Variants in RUNDC3B observed in about 807,000 individuals in gnomAD.
The protein encoded by RUNDC3B is RUN domain containing 3B.
A neutral mutation model predicts 58.4 loss-of-function variants in RUNDC3B; 33 were observed. That is an observed-to-expected ratio of 0.56 (90% CI 0.43 to 0.75). RUNDC3B has a LOEUF of 0.75. RUNDC3B is among the 30% of genes least tolerant of loss of function. RUNDC3B has a pLI of 0.00. For missense variants in RUNDC3B, 501 were observed against 535.7 expected, an observed-to-expected ratio of 0.94 and a Z score of 0.64; for synonymous variants, 193 against 195.2, an observed-to-expected ratio of 0.99 and a Z score of 0.10.
At chr7:87,797,704 AGT>A (rs1835890641) in intron 8 of RUNDC3B, among the ~76,000 whole-genome samples, 1 of 152,164 alleles carries the variant, frequency 6.6e-6, no homozygotes, top group Admixed American at 6.5e-5. Flanking sequence ...CCTGAAATTC[AGT>A]TCTTATGGAA....
chr7:87,683,374 C>G (rs1827125434), intron 2 of RUNDC3B, among the ~76,000 whole-genome samples: 1 of 152,188 alleles, frequency 6.6e-6, no homozygotes, highest in African/African-American at 2.4e-5. Flanking sequence ...GCACAAGAGG[C>G]CTAGGTTTTG....
At chr7:87,667,310 T>C (rs1266240442) in intron 2 of RUNDC3B, among the ~76,000 whole-genome samples, 1 of 152,148 alleles carries the variant, frequency 6.6e-6, no homozygotes, top group Non-Finnish European at 1.5e-5. Context: ...TGTATAGGAA[T>C]GCTAGTGATT....
At chr7:87,812,282 C>T (rs1326620188) in intron 9 of RUNDC3B, among the ~76,000 whole-genome samples, 3 of 152,110 alleles carry the variant, frequency 2.0e-5, no homozygotes, top group South Asian at 4.1e-4. Flanking sequence ...CCCAAATGCC[C>T]ATGACATAAT....
chr7:87,698,906 A>G (rs577699012), intron 2 of RUNDC3B, among the ~76,000 whole-genome samples: 2 of 152,214 alleles, frequency 1.3e-5, no homozygotes, highest in South Asian at 2.1e-4. Flanking sequence ...GAAGTTACCT[A>G]TCATGACTTG....
chr7:87,803,389 A>G (rs962538560), intron 8 of RUNDC3B, among the ~76,000 whole-genome samples: 1 of 152,226 alleles, frequency 6.6e-6, no homozygotes, highest in African/African-American at 2.4e-5. Flanking sequence ...AGGTCAAAAA[A>G]TTGAGGATAT....
chr7:87,744,474 A>G (rs1832531485), intron 6 of RUNDC3B, among the ~76,000 whole-genome samples: 1 of 152,082 alleles, frequency 6.6e-6, no homozygotes, highest in African/African-American at 2.4e-5. Context: ...TGTTCATGTA[A>G]TCTGTGATTT....
At chr7:87,683,885 T>TA (rs1827183291) in intron 2 of RUNDC3B, among the ~76,000 whole-genome samples, 1 of 152,066 alleles carries the variant, frequency 6.6e-6, no homozygotes, top group South Asian at 2.1e-4. Flanking sequence ...TGAAATACAT[T>TA]AAAACAAGAA....
chr7:87,812,508 C>T (rs750539068), intron 9 of RUNDC3B, among the ~76,000 whole-genome samples: 12 of 152,140 alleles, frequency 7.9e-5, no homozygotes, highest in Non-Finnish European at 1.0e-4. Context: ...ACTTGGGAGG[C>T]TGAGGCAGGA....
At chr7:87,759,412 A>G (rs1833554020) in intron 6 of RUNDC3B, among the ~76,000 whole-genome samples, 1 of 152,162 alleles carries the variant, frequency 6.6e-6, no homozygotes, top group Non-Finnish European at 1.5e-5. Context: ...CTAGTATTTG[A>G]TAGCCCAATG....
intron 4 of RUNDC3B, among the ~76,000 whole-genome samples, chr7:87,712,623 A>T (rs1007590278): frequency 6.6e-6 from 1 of 152,088 alleles, no homozygotes; most frequent in African/African-American, 2.4e-5. Context: ...TCTTCAATAG[A>T]TTATTTTTAG....
At chr7:87,695,590 A>C (rs1473154437) in intron 2 of RUNDC3B, among the ~76,000 whole-genome samples, 1 of 152,128 alleles carries the variant, frequency 6.6e-6, no homozygotes, top group Non-Finnish European at 1.5e-5. Context: ...ATTGTCAAGT[A>C]GGTGATATAT....
rs1457491418 is a variant in RUNDC3B at position 87,753,179 on chromosome 7, C to T, written c.629+11600C>T. Among the ~76,000 whole-genome samples, 4 of 149,620 alleles carry T rather than the reference C, an allele frequency of 2.7e-5. No individual in the cohort carries two copies. In the South Asian group the frequency reaches 6.4e-4, roughly 24 times the overall value. On this transcript the variant is annotated intron_variant, in intron 6 of 10. Transcript: ENST00000394654. ...GTTGTTCAGTTTCCATGTAGTTGAGCGGTTTTGAGTGAGATTCTTAATCCT... is the reference window on the plus strand; with the variant it reads ...GTTGTTCAGTTTCCATGTAGTTGAGTGGTTTTGAGTGAGATTCTTAATCCT...
chr7:87,700,457 G>A lies in RUNDC3B; in HGVS notation c.275G>A (p.Ser92Asn), dbSNP rs1458585125. 2 of 1,612,596 alleles carry A rather than the reference G, an allele frequency of 1.2e-6. No individual in the cohort carries two copies. Among genetic ancestry groups the A allele is most frequent in the African/African-American group, 2.7e-5 (2 of 74,866 alleles). ...TGGTTTGGTTATGAAAGTCCTCGTAGCTTCTGGGACTATATCAGAGTGGCT... is the reference window on the plus strand; with the variant it reads ...TGGTTTGGTTATGAAAGTCCTCGTAACTTCTGGGACTATATCAGAGTGGCT... ...VTWFGYESPR[S>N]FWDYIRVACR... Residue 92 changes from serine (S) to asparagine (N), a missense_variant, in exon 3 of 11, where the codon AGC becomes AAC. Ser to Asn is a conservative substitution (Grantham distance 46, BLOSUM62 1). Transcript: ENST00000394654.
At chr7:87,769,274 G>A (rs990916288) in intron 6 of RUNDC3B, among the ~76,000 whole-genome samples, 2 of 151,932 alleles carry the variant, frequency 1.3e-5, no homozygotes, top group Admixed American at 1.3e-4. Context: ...GCCTCCCAAA[G>A]GGCTGGTATT....
chr7:87,710,480 G>A (rs938451142), intron 3 of RUNDC3B, 90 bp from the exon 4 acceptor site: 1 of 712,796 alleles, frequency 1.4e-6, no homozygotes, highest in Non-Finnish European at 2.4e-6. Context: ...TTGAATGGCT[G>A]TTCTTTACAT....
At chr7:87,707,494 C>T (rs1158118503) in intron 3 of RUNDC3B, among the ~76,000 whole-genome samples, 2 of 151,700 alleles carry the variant, frequency 1.3e-5, no homozygotes, top group Non-Finnish European at 2.9e-5. Flanking sequence ...GGCAACATGG[C>T]GAAACCCAGT....
At chr7:87,715,547 T>C (rs1451916653) in intron 4 of RUNDC3B, among the ~76,000 whole-genome samples, 2 of 139,098 alleles carry the variant, frequency 1.4e-5, no homozygotes, top group South Asian at 2.1e-4. Context: ...TATAATATAT[T>C]AATATAATAT....
At chr7:87,672,256 G>C (rs1825898346) in intron 2 of RUNDC3B, among the ~76,000 whole-genome samples, 1 of 152,234 alleles carries the variant, frequency 6.6e-6, no homozygotes, top group Admixed American at 6.5e-5. Flanking sequence ...TAAAGTAGCA[G>C]TCTAGCCACA....
intron 4 of RUNDC3B, among the ~76,000 whole-genome samples, chr7:87,729,448 G>A (rs1237147156): frequency 1.3e-5 from 2 of 152,144 alleles, no homozygotes; most frequent in African/African-American, 2.4e-5. Flanking sequence ...GTAATTGTGC[G>A]ACTTGACGTT....
Sources: allele counts gnomAD v4.1 joint callset (sites outside exome capture counted in the v4.1 genomes callset), GRCh38; gene constraint gnomAD v4.1.1; transcripts MANE v1.5; gene names NCBI Gene and HGNC (gene_info 2026-07-23, HGNC 2026-07-21).